The following WWOX variants were observed in gnomAD, a reference collection of about 807,000 sequenced individuals.
WWOX encodes WW domain-containing oxidoreductase.
In WWOX, 69 loss-of-function variants were observed where a neutral mutation model predicts 46.2. The observed-to-expected ratio is 1.49, with a 90% CI of 1.23 to 1.82. The LOEUF is 1.82. Among genes scored for constraint, WWOX ranks in the 40% most tolerant of loss-of-function variants. WWOX has a pLI of 0.00. For missense variants in WWOX, 919 were observed against 542.6 expected, an observed-to-expected ratio of 1.69 and a Z score of -6.89; for synonymous variants, 359 against 202.6, an observed-to-expected ratio of 1.77 and a Z score of -6.56.
rs117930037 is a variant in WWOX, at chr16:78,846,602, G to A, written c.1057-365006G>A. On this transcript the variant is annotated intron_variant, in intron 8 of 8. Transcript: ENST00000566780. Reference sequence around the variant, plus strand: ...CTTCGGCCATCAAGTCAGAGGATGTGTAATGTGAAAATATCTTATTACTAG... The same window carrying A: ...CTTCGGCCATCAAGTCAGAGGATGTATAATGTGAAAATATCTTATTACTAG... 4.2e-4 allele frequency among the ~76,000 whole-genome samples: 64 copies of A among 152,270 alleles called. No homozygotes were observed. In the East Asian group the frequency reaches 9.5e-3, roughly 23 times the overall value.
intron 8 of WWOX, among the ~76,000 whole-genome samples, chr16:79,052,128 C>T (rs181335657): frequency 1.6e-3 from 244 of 151,446 alleles, no homozygotes; most frequent in South Asian, 2.9e-3. Context: ...CATGCTGGTG[C>T]GCTGCACCCA....
At chr16:78,967,283 G>C (rs2046379327) in intron 8 of WWOX, among the ~76,000 whole-genome samples, 1 of 126,982 alleles carries the variant, frequency 7.9e-6, no homozygotes, top group African/African-American at 2.8e-5. Flanking sequence ...TGCCTGCCGA[G>C]GCCTTTTTTT....
At chr16:78,425,141 T>G (rs1051957011) in intron 7 of WWOX, 86 bp downstream of exon 7, 1 of 1,568,306 alleles carries the variant, frequency 6.4e-7, no homozygotes, top group Non-Finnish European at 8.8e-7. Flanking sequence ...GAAAATAATT[T>G]TCATTAGTCC....
intron 8 of WWOX, among the ~76,000 whole-genome samples, chr16:78,797,277 C>G (rs771090608): frequency 6.9e-6 from 1 of 145,248 alleles, no homozygotes; most frequent in Non-Finnish European, 1.5e-5. Context: ...CACCTCTGAC[C>G]CAAATAAGAA....
In WWOX at chr16:78,745,739, T is replaced by C. The variant is rs375173299; in HGVS notation, c.1056+312987T>C. ...ATAGATTTCTTCTTTTCCTCCTCCT[T>C]CTCCTCCTCCCTCTTCCTCCTCTTT... On this transcript the variant is annotated intron_variant, in intron 8 of 8. Coordinates refer to ENST00000566780, the MANE Select transcript of WWOX (RefSeq NM_016373.4). Among the ~76,000 whole-genome samples, 213 of 149,942 alleles carry C rather than the reference T, an allele frequency of 1.4e-3. 1 individual carries two copies. Among genetic ancestry groups the C allele is most frequent in the Middle Eastern group, 3.4e-3 (1 of 294 alleles).
chr16:78,776,646 C>A (rs1342306506), intron 8 of WWOX, among the ~76,000 whole-genome samples: 1 of 152,108 alleles, frequency 6.6e-6, no homozygotes, highest in South Asian at 2.1e-4. Context: ...TAAAAAACTG[C>A]CCGAGATTGG....
At chr16:78,517,622 C>G (rs991306378) in intron 8 of WWOX, among the ~76,000 whole-genome samples, 3 of 152,066 alleles carry the variant, frequency 2.0e-5, no homozygotes, top group East Asian at 3.9e-4. Context: ...TGCGTCGCCA[C>G]ATCTGTCAAA....
intron 4 of WWOX, among the ~76,000 whole-genome samples, chr16:78,155,033 G>C (rs1387439721): frequency 6.6e-6 from 1 of 152,174 alleles, no homozygotes; most frequent in Non-Finnish European, 1.5e-5. Flanking sequence ...TGGCTTCTCA[G>C]CTAACCTGTC....
intron 8 of WWOX, among the ~76,000 whole-genome samples, chr16:79,038,672 C>T (rs979979550): frequency 6.6e-6 from 1 of 152,096 alleles, no homozygotes; most frequent in South Asian, 2.1e-4. Flanking sequence ...GCCTCAGGCT[C>T]CCAAGTAGCT....
chr16:78,168,617 C>G (rs2035052878), intron 5 of WWOX: 1 of 151,994 alleles, frequency 6.6e-6, no homozygotes, highest in South Asian at 2.1e-4. Context: ...TGTTTAGTAT[C>G]AATGTTCATA....
intron 5 of WWOX, among the ~76,000 whole-genome samples, chr16:78,265,706 C>G (rs567422940): frequency 1.3e-5 from 2 of 149,206 alleles, no homozygotes; most frequent in Non-Finnish European, 3.0e-5. Context: ...ACAAAAAACA[C>G]GAATATCTTT....
At chr16:78,830,235 T>G (rs1235734079) in intron 8 of WWOX, among the ~76,000 whole-genome samples, 1 of 152,232 alleles carries the variant, frequency 6.6e-6, no homozygotes, top group Non-Finnish European at 1.5e-5. Context: ...CTAGTAATAT[T>G]TGCATCTGAA....
At chr16:78,761,006 A>G (rs1443839227) in intron 8 of WWOX, among the ~76,000 whole-genome samples, 1 of 152,164 alleles carries the variant, frequency 6.6e-6, no homozygotes, top group East Asian at 1.9e-4. Flanking sequence ...AGCATAGCAC[A>G]GGAAAGACCC....
chr16:78,637,472 C>T (rs1301526601), intron 8 of WWOX, among the ~76,000 whole-genome samples: 2 of 151,870 alleles, frequency 1.3e-5, no homozygotes, highest in Non-Finnish European at 2.9e-5. Flanking sequence ...TCTGGCCCCA[C>T]GTTACAGATG....
At chr16:78,965,660 C>G (rs963026328) in intron 8 of WWOX, among the ~76,000 whole-genome samples, 2 of 152,002 alleles carry the variant, frequency 1.3e-5, no homozygotes, top group African/African-American at 4.8e-5. Flanking sequence ...CTGGCATAAA[C>G]TATGTTACTC....
chr16:78,120,044 G>A (rs1205645470), intron 4 of WWOX, among the ~76,000 whole-genome samples: 1 of 151,926 alleles, frequency 6.6e-6, no homozygotes, highest in African/African-American at 2.4e-5. Context: ...TTTTTTTCCT[G>A]CAAACAAATA....
At chr16:78,948,956 G>C (rs1228285520) in intron 8 of WWOX, among the ~76,000 whole-genome samples, 1 of 152,120 alleles carries the variant, frequency 6.6e-6, no homozygotes, top group African/African-American at 2.4e-5. Flanking sequence ...AAGCAGGGAA[G>C]GATTTCACGT....
chr16:78,923,526 G>A (rs1380044462), intron 8 of WWOX, among the ~76,000 whole-genome samples: 2 of 151,922 alleles, frequency 1.3e-5, no homozygotes, highest in Non-Finnish European at 2.9e-5. Flanking sequence ...TCAGAAAAGA[G>A]CTTTGGAAAT....
At chr16:78,996,993 C>A (rs1407261492) in intron 8 of WWOX, among the ~76,000 whole-genome samples, 3 of 152,226 alleles carry the variant, frequency 2.0e-5, no homozygotes, top group Non-Finnish European at 4.4e-5. Context: ...GGCAGTCCCT[C>A]GCTCAAATGT....
Sources: gnomAD v4.1 joint callset for allele counts (sites outside exome capture counted in the v4.1 genomes callset) on GRCh38, gnomAD v4.1.1 for gene constraint, MANE v1.5 for transcripts, NCBI Gene and HGNC (gene_info 2026-07-23, HGNC 2026-07-21) for gene names.